Variants in LDB2 observed in about 807,000 individuals in gnomAD.
LDB2 encodes the protein LIM domain-binding protein 2.
Under a neutral mutation model 44.3 loss-of-function variants are expected in LDB2, and 12 were observed. The observed-to-expected ratio is 0.27, with a 90% CI of 0.17 to 0.44. The LOEUF is 0.44. LDB2 is among the 20% of genes least tolerant of loss of function. The pLI, the probability that LDB2 is intolerant of heterozygous loss-of-function variation, is 1.00. For synonymous variants in LDB2, 164 were observed against 174.8 expected (o/e 0.94, Z 0.49); for missense variants, 344 against 473.5 (o/e 0.73, Z 2.54).
rs148980776 is a variant in LDB2, at chr4:16,561,427, C to G, written c.615+24495G>C. 5.8e-4 allele frequency among the ~76,000 whole-genome samples: 88 copies of G among 152,148 alleles called. No individual in the cohort carries two copies. In the East Asian group the frequency reaches 0.015, roughly 26 times the overall value. ...CAAGCATTCTTATACACCCATAACA[C>G]ACAAACAGAGAGCCAAAACATGAGT... On this transcript the variant is annotated intron_variant, in intron 5 of 7. Coordinates refer to ENST00000304523, the MANE Select transcript of LDB2 (RefSeq NM_001290.5).
At chr4:16,559,033 C>G (rs1454143109) in intron 5 of LDB2, among the ~76,000 whole-genome samples, 2 of 152,128 alleles carry the variant, frequency 1.3e-5, no homozygotes, top group Admixed American at 6.5e-5. Context: ...TTGTCACCAC[C>G]AGGCCTGCCC....
In LDB2 at chr4:16,863,817, C is replaced by T. The variant is rs193254348; in HGVS notation, c.132+34537G>A. ...CTGCGATTACAGGCACCCGCCACCA[C>T]GCCCGGCTAATTTTTTGTATTTTTA... On this transcript the variant is annotated intron_variant, in intron 1 of 7. Transcript: ENST00000304523. Among the ~76,000 whole-genome samples the T allele has an allele frequency of 1.3e-3, 204 of 152,236 alleles. 4 individuals carry two copies. In the Middle Eastern group the frequency reaches 0.048, roughly 36 times the overall value.
chr4:16,844,802 C>T (rs751036534), intron 1 of LDB2, among the ~76,000 whole-genome samples: 51 of 152,198 alleles, frequency 3.4e-4, no homozygotes, highest in Non-Finnish European at 6.6e-4. Context: ...GAAAACATTG[C>T]TTTTCCCTGA....
At chr4:16,575,164 T>C (rs1747857686) in intron 5 of LDB2, among the ~76,000 whole-genome samples, 1 of 152,192 alleles carries the variant, frequency 6.6e-6, no homozygotes, top group Non-Finnish European at 1.5e-5. Context: ...GTAGCTATTT[T>C]ATGGTTAATG....
intron 1 of LDB2, among the ~76,000 whole-genome samples, chr4:16,874,686 G>C (rs947390195): frequency 6.6e-6 from 1 of 152,170 alleles, no homozygotes; most frequent in South Asian, 2.1e-4. Flanking sequence ...CATCATGTCT[G>C]TTTTCTAAAA....
At chr4:16,762,326 T>C (rs907272946) in intron 1 of LDB2, among the ~76,000 whole-genome samples, 1 of 152,196 alleles carries the variant, frequency 6.6e-6, no homozygotes, top group African/African-American at 2.4e-5. Flanking sequence ...TGAATGAAAA[T>C]GTATTACTTC....
chr4:16,736,251 C>T (rs944929112), intron 2 of LDB2, among the ~76,000 whole-genome samples: 1 of 152,200 alleles, frequency 6.6e-6, no homozygotes, highest in Non-Finnish European at 1.5e-5. Context: ...CATGCCTTTA[C>T]TTCTAAACCC....
intron 2 of LDB2, among the ~76,000 whole-genome samples, chr4:16,643,970 A>C (rs1443906984): frequency 1.3e-5 from 2 of 152,206 alleles, no homozygotes; most frequent in Non-Finnish European, 2.9e-5. Flanking sequence ...TCTCCTAAAC[A>C]ACAAACAGCC....
At chr4:16,702,035 C>T (rs1000243077) in intron 2 of LDB2, among the ~76,000 whole-genome samples, 20 of 152,016 alleles carry the variant, frequency 1.3e-4, no homozygotes, top group African/African-American at 4.8e-4. Flanking sequence ...TATTTCAGCA[C>T]AATGTTCTTG....
At position 16,502,575 on chromosome 4, in the gene LDB2, A is replaced by G; in HGVS notation, c.*68T>C. ...TTATCTCTTCTGTTTCCTCTCCTGT[A>G]AGTAAAGATTTGCAATTGTAATGAT... On this transcript the variant is annotated 3_prime_UTR_variant, in exon 8 of 8. Transcript: ENST00000304523. 1 of 1,576,520 alleles carries G rather than the reference A, an allele frequency of 6.3e-7. No individual in the cohort carries two copies.
chr4:16,780,152 AT>A (rs1772859693), intron 1 of LDB2, among the ~76,000 whole-genome samples: 1 of 152,206 alleles, frequency 6.6e-6, no homozygotes, highest in Non-Finnish European at 1.5e-5. Flanking sequence ...CAAAAAAATT[AT>A]TACTAGTAAG....
intron 1 of LDB2, among the ~76,000 whole-genome samples, chr4:16,818,106 C>A (rs569016846): frequency 1.2e-4 from 19 of 152,226 alleles, no homozygotes; most frequent in African/African-American, 3.6e-4. Context: ...GTCCTTGAGA[C>A]TCTCCACATG....
chr4:16,759,478 C>A, intron 1 of LDB2: 1 of 474,114 alleles, frequency 2.1e-6, no homozygotes. Flanking sequence ...TCAAACCAAT[C>A]GAATAAAAAT....
At chr4:16,629,400 G>C (rs781058946) in intron 2 of LDB2, among the ~76,000 whole-genome samples, 1 of 152,008 alleles carries the variant, frequency 6.6e-6, no homozygotes, top group Non-Finnish European at 1.5e-5. Context: ...AATACAGATG[G>C]GTACCTCTCT....
chr4:16,617,376 A>G lies in LDB2; in HGVS notation c.236-21501T>C, dbSNP rs531525895. Among the ~76,000 whole-genome samples, 39 of 152,342 alleles carry G rather than the reference A, an allele frequency of 2.6e-4. No individual in the cohort carries two copies. The East Asian group carries it at 7.3e-3, about 29-fold the overall frequency. On this transcript the variant is annotated intron_variant, in intron 2 of 7. Transcript: ENST00000304523. Reference sequence around the variant, plus strand: ...AAATGACAGCCCAGCCCAAGGAGATAAACTCGAGGCAGACAATCCAATTTT... The same window carrying G: ...AAATGACAGCCCAGCCCAAGGAGATGAACTCGAGGCAGACAATCCAATTTT...
chr4:16,559,948 A>G (rs1741414683), intron 5 of LDB2, among the ~76,000 whole-genome samples: 1 of 152,156 alleles, frequency 6.6e-6, no homozygotes, highest in Non-Finnish European at 1.5e-5. Flanking sequence ...AAACTGAACA[A>G]CCTGCTCCTG....
chr4:16,534,858 G>A (rs545207354), intron 5 of LDB2, among the ~76,000 whole-genome samples: 1 of 152,244 alleles, frequency 6.6e-6, no homozygotes, highest in South Asian at 2.1e-4. Flanking sequence ...AAGCCCTCAT[G>A]TACCCTGAGG....
chr4:16,767,453 G>A (rs1016834811), intron 1 of LDB2, among the ~76,000 whole-genome samples: 8 of 152,170 alleles, frequency 5.3e-5, no homozygotes, highest in African/African-American at 1.7e-4. Context: ...CCAAATGCCC[G>A]AACTCATGTG....
intron 2 of LDB2, among the ~76,000 whole-genome samples, chr4:16,639,850 G>A (rs796333848): frequency 3.3e-5 from 5 of 152,360 alleles, no homozygotes; most frequent in African/African-American, 1.2e-4. Flanking sequence ...ACTGCCCTAA[G>A]GGCAGGAGAC....
Sources: gnomAD v4.1 joint callset for allele counts (sites outside exome capture counted in the v4.1 genomes callset) on GRCh38, gnomAD v4.1.1 for gene constraint, MANE v1.5 for transcripts, NCBI Gene and HGNC (gene_info 2026-07-23, HGNC 2026-07-21) for gene names.